The following CSNK1G3 variants were observed in gnomAD, a reference collection of about 807,000 sequenced individuals.
The protein encoded by CSNK1G3 is casein kinase I isoform gamma-3.
A neutral mutation model predicts 64.3 loss-of-function variants in CSNK1G3; 23 were observed. That is an observed-to-expected ratio of 0.36 (90% confidence interval 0.26 to 0.51). The LOEUF (loss-of-function observed/expected upper bound fraction) is 0.51. CSNK1G3 is among the 20% of genes least tolerant of loss of function. The pLI, the probability that CSNK1G3 is intolerant of heterozygous loss-of-function variation, is 0.96. For synonymous variants in CSNK1G3, 158 were observed against 162.2 expected (o/e 0.97, Z 0.20); for missense variants, 357 against 510.5 (o/e 0.70, Z 2.90).
At chr5:123,595,398 A>G (rs1308069110) in intron 10 of CSNK1G3, among the ~76,000 whole-genome samples, 1 of 152,206 alleles carries the variant, frequency 6.6e-6, no homozygotes, top group Non-Finnish European at 1.5e-5. Flanking sequence ...GATTAGAAAA[A>G]CAAACGGTAT....
intron 10 of CSNK1G3, among the ~76,000 whole-genome samples, chr5:123,595,783 A>G (rs751886030): frequency 1.1e-4 from 16 of 152,070 alleles, no homozygotes; most frequent in Non-Finnish European, 1.5e-4. Flanking sequence ...AGAGACCGCT[A>G]CTATATATAT....
chr5:123,575,885 A>G, exon 6 of CSNK1G3: 1 of 1,613,658 alleles, frequency 6.2e-7, no homozygotes, highest in Non-Finnish European at 8.5e-7. Context: ...GGAGACAAAG[A>G]AACACATACC....
intron 1 of CSNK1G3, among the ~76,000 whole-genome samples, chr5:123,539,380 A>G (rs1027622688): frequency 6.6e-6 from 1 of 151,000 alleles, no homozygotes; most frequent in Admixed American, 6.6e-5. Context: ...GAGCAAGTCA[A>G]GGCTGCAGTG....
intron 1 of CSNK1G3, among the ~76,000 whole-genome samples, chr5:123,535,505 A>T (rs1003556605): frequency 3.3e-5 from 5 of 152,102 alleles, no homozygotes; most frequent in African/African-American, 1.2e-4. Context: ...TAACATACTA[A>T]GACTCTTACT....
intron 8 of CSNK1G3, among the ~76,000 whole-genome samples, chr5:123,589,791 G>A (rs115760236): frequency 0.015 from 2,347 of 151,966 alleles, 57 homozygotes; most frequent in African/African-American, 0.054. Context: ...TTTGTATATC[G>A]CCAAATAATT....
chr5:123,587,765 C>A (rs1791593171), intron 6 of CSNK1G3, among the ~76,000 whole-genome samples: 1 of 152,160 alleles, frequency 6.6e-6, no homozygotes, highest in Admixed American at 6.6e-5. Context: ...TACAGTGACT[C>A]TGACCATGGA....
chr5:123,582,454 A>G (rs191064603), intron 6 of CSNK1G3, among the ~76,000 whole-genome samples: 20 of 152,318 alleles, frequency 1.3e-4, no homozygotes, highest in East Asian at 7.7e-4. Flanking sequence ...GAAAGATAGT[A>G]TATATGAAAC....
At chr5:123,565,181 C>T (rs764233206) in intron 4 of CSNK1G3, among the ~76,000 whole-genome samples, 2 of 152,156 alleles carry the variant, frequency 1.3e-5, no homozygotes, top group Non-Finnish European at 2.9e-5. Flanking sequence ...TAACAGTAAA[C>T]AGCTAGATTC....
chr5:123,604,787 C>T (rs1256830305), exon 11 of CSNK1G3: 1 of 1,611,234 alleles, frequency 6.2e-7, no homozygotes, highest in Non-Finnish European at 8.5e-7. Context: ...TTCAAATGCA[C>T]CCATCACAGC....
At chr5:123,517,000 A>G (rs932746723) in intron 1 of CSNK1G3, among the ~76,000 whole-genome samples, 1 of 152,152 alleles carries the variant, frequency 6.6e-6, no homozygotes, top group African/African-American at 2.4e-5. Context: ...AATGGAGGAA[A>G]TTCATATGAA....
chr5:123,600,988 GAAC>G (rs1252847172), intron 10 of CSNK1G3, among the ~76,000 whole-genome samples: 1 of 150,290 alleles, frequency 6.7e-6, no homozygotes, highest in Non-Finnish European at 1.5e-5. Flanking sequence ...TTTTTTTTAA[GAAC>G]AACAACAATC....
chr5:123,545,582 T>C (rs1329011519), exon 2 of CSNK1G3: 2 of 1,090,714 alleles, frequency 1.8e-6, no homozygotes, highest in Non-Finnish European at 1.3e-6. Context: ...AGTTACCTAG[T>C]GATGTACCTA....
intron 6 of CSNK1G3, among the ~76,000 whole-genome samples, chr5:123,577,758 A>G (rs1405116195): frequency 6.6e-6 from 1 of 151,942 alleles, no homozygotes; most frequent in East Asian, 1.9e-4. Context: ...TGGGTAAAAT[A>G]TACAACATTT....
intron 4 of CSNK1G3, among the ~76,000 whole-genome samples, chr5:123,559,265 C>A (rs1427958108): frequency 1.3e-5 from 2 of 151,096 alleles, no homozygotes; most frequent in African/African-American, 4.9e-5. Context: ...AAAAAAAAAA[C>A]CAGATCTATC....
chr5:123,573,650 C>A (rs754592662), intron 5 of CSNK1G3, 109 bp downstream of exon 5: 1 of 972,532 alleles, frequency 1.0e-6, no homozygotes, highest in Non-Finnish European at 1.5e-6. Flanking sequence ...GAGCGTTTGA[C>A]GTAATACAAA....
chr5:123,602,322 T>G (rs774382639), intron 10 of CSNK1G3, among the ~76,000 whole-genome samples: 3 of 152,212 alleles, frequency 2.0e-5, no homozygotes, highest in Non-Finnish European at 4.4e-5. Context: ...ATTAATACTT[T>G]CCTTGGAGTT....
At chr5:123,595,535 T>C (rs1793267416) in intron 10 of CSNK1G3, among the ~76,000 whole-genome samples, 1 of 152,160 alleles carries the variant, frequency 6.6e-6, no homozygotes, top group South Asian at 2.1e-4. Context: ...ACATAATCAG[T>C]TAAATATCTT....
At chr5:123,513,888 T>C (rs1342582681) in intron 1 of CSNK1G3, among the ~76,000 whole-genome samples, 1 of 152,164 alleles carries the variant, frequency 6.6e-6, no homozygotes, top group African/African-American at 2.4e-5. Context: ...TTAATAGCTT[T>C]CTTTTTTTTT....
intron 1 of CSNK1G3, among the ~76,000 whole-genome samples, chr5:123,538,135 A>G (rs1414777025): frequency 6.6e-6 from 1 of 152,216 alleles, no homozygotes; most frequent in African/African-American, 2.4e-5. Context: ...AGGCTGCTGT[A>G]AACATTAGTG....
Sources: allele counts gnomAD v4.1 joint callset (sites outside exome capture counted in the v4.1 genomes callset), GRCh38; gene constraint gnomAD v4.1.1; transcripts MANE v1.5; gene names NCBI Gene and HGNC (gene_info 2026-07-23, HGNC 2026-07-21).